The following CAMK4 variants were observed in gnomAD, a reference collection of about 807,000 sequenced individuals.
CAMK4 encodes the protein calcium/calmodulin-dependent protein kinase type IV.
CAMK4 carries 22 observed loss-of-function variants against 44.9 expected under a neutral mutation model. The ratio of observed to expected loss-of-function variants is 0.49; its 90% CI spans 0.35 to 0.70. The LOEUF (loss-of-function observed/expected upper bound fraction) is 0.70. Ranked by LOEUF, CAMK4 falls within the 30% of genes least tolerant of loss-of-function variation. CAMK4 has a pLI of 0.01. For synonymous variants in CAMK4, 218 were observed against 215.4 expected (o/e 1.01, Z -0.11); for missense variants, 498 against 586.8 (o/e 0.85, Z 1.56).
intron 1 of CAMK4, among the ~76,000 whole-genome samples, chr5:111,271,971 A>C (rs1054962518): frequency 6.6e-6 from 1 of 152,104 alleles, no homozygotes; most frequent in African/African-American, 2.4e-5. Flanking sequence ...TAGTCTTTTT[A>C]AATATTCTGA....
intron 1 of CAMK4, among the ~76,000 whole-genome samples, chr5:111,343,058 A>G (rs1296924459): frequency 6.6e-6 from 1 of 151,698 alleles, no homozygotes; most frequent in South Asian, 2.1e-4. Flanking sequence ...CTATTTCTTG[A>G]ACCCTTTATT....
At chr5:111,283,508 C>G (rs908646433) in intron 1 of CAMK4, among the ~76,000 whole-genome samples, 1 of 152,130 alleles carries the variant, frequency 6.6e-6, no homozygotes, top group Non-Finnish European at 1.5e-5. Context: ...CACTATTATC[C>G]CCAATAATGT....
chr5:111,368,439 A>AT (rs1311883372), intron 2 of CAMK4, among the ~76,000 whole-genome samples: 2 of 152,180 alleles, frequency 1.3e-5, no homozygotes, highest in Non-Finnish European at 1.5e-5. Flanking sequence ...AATGAGAAGA[A>AT]TATTGGAAAG....
intron 1 of CAMK4, among the ~76,000 whole-genome samples, chr5:111,233,251 T>C (rs1447178610): frequency 6.6e-6 from 1 of 152,240 alleles, no homozygotes; most frequent in Non-Finnish European, 1.5e-5. Flanking sequence ...GAACTACCTT[T>C]AGTCTCTCTT....
intron 1 of CAMK4, among the ~76,000 whole-genome samples, chr5:111,280,345 T>C (rs530394431): frequency 2.6e-5 from 4 of 152,260 alleles, no homozygotes; most frequent in Non-Finnish European, 5.9e-5. Context: ...CATTGTGCTG[T>C]AGAAGGCAGA....
chr5:111,408,120 G>GAC (rs1304352098), intron 5 of CAMK4, among the ~76,000 whole-genome samples: 1 of 116,086 alleles, frequency 8.6e-6, no homozygotes, highest in Non-Finnish European at 1.6e-5. Flanking sequence ...GAAAGAAAGA[G>GAC]AGAGAGAGAG....
chr5:111,316,121 G>A lies in CAMK4; in HGVS notation c.162-27903G>A, dbSNP rs529343848. On this transcript the variant is annotated intron_variant, in intron 1 of 10. Coordinates refer to ENST00000282356, the MANE Select transcript of CAMK4 (RefSeq NM_001744.6). ...AAGAGGAAATTGACATTCCCTCAAG[G>A]GCTTTCCAATAATTTCTAATCACAT... Among the ~76,000 whole-genome samples, 6 of 152,154 alleles carry A rather than the reference G, an allele frequency of 3.9e-5. No homozygotes were observed. The South Asian group carries it at 1.0e-3, about 26-fold the overall frequency.
intron 1 of CAMK4, among the ~76,000 whole-genome samples, chr5:111,280,375 AT>A (rs1256996387): frequency 1.3e-5 from 2 of 152,288 alleles, no homozygotes; most frequent in African/African-American, 2.4e-5. Flanking sequence ...AATGGCTCAA[AT>A]TTTTTTACAT....
chr5:111,360,454 A>G (rs995465044), intron 2 of CAMK4, among the ~76,000 whole-genome samples: 9 of 152,100 alleles, frequency 5.9e-5, no homozygotes, highest in African/African-American at 1.4e-4. Context: ...GGAGAGGCCA[A>G]TAAATACTGA....
rs75203303 is a variant in CAMK4, at chr5:111,447,456, G to T, written c.550+680G>T. 1.7e-4 allele frequency among the ~76,000 whole-genome samples: 26 copies of T among 152,212 alleles called. No homozygotes were observed. In the East Asian group the frequency reaches 3.9e-3, roughly 23 times the overall value. On this transcript the variant is annotated intron_variant, in intron 6 of 10. Coordinates refer to ENST00000282356, the MANE Select transcript of CAMK4 (RefSeq NM_001744.6). ...TTACATATTATATCATATTCTATGA[G>T]ACTTTTTTAAAATTTTTACCAATAA...
At chr5:111,441,228 G>A (rs1164027921) in intron 5 of CAMK4, among the ~76,000 whole-genome samples, 1 of 152,120 alleles carries the variant, frequency 6.6e-6, no homozygotes, top group East Asian at 1.9e-4. Context: ...ACTTAGCAGA[G>A]ATATGCCTTT....
chr5:111,368,483 G>T (rs1580660838), intron 2 of CAMK4, among the ~76,000 whole-genome samples: 1 of 152,164 alleles, frequency 6.6e-6, no homozygotes, highest in East Asian at 1.9e-4. Flanking sequence ...ACCCACACTT[G>T]TGTGATCTCC....
At chr5:111,410,480 A>C (rs921080330) in intron 5 of CAMK4, among the ~76,000 whole-genome samples, 1 of 152,212 alleles carries the variant, frequency 6.6e-6, no homozygotes. Flanking sequence ...GCCAAGCCAT[A>C]TCAGATAGTA....
intron 2 of CAMK4, chr5:111,358,232 C>T (rs963795668): frequency 6.6e-6 from 1 of 152,086 alleles, no homozygotes; most frequent in Admixed American, 6.6e-5. Context: ...TAGTGAGTCT[C>T]ACATACAATA....
At chr5:111,280,463 G>A (rs988470510) in intron 1 of CAMK4, among the ~76,000 whole-genome samples, 5 of 152,140 alleles carry the variant, frequency 3.3e-5, no homozygotes, top group African/African-American at 4.8e-5. Context: ...CCTACCAGAG[G>A]TCTTATCTTT....
At chr5:111,425,654 C>G (rs1753200439) in intron 5 of CAMK4, among the ~76,000 whole-genome samples, 2 of 152,042 alleles carry the variant, frequency 1.3e-5, no homozygotes, top group Non-Finnish European at 2.9e-5. Context: ...CAAGTATAAC[C>G]AATATTGTAT....
Position 111,227,419 on chromosome 5 carries a change from G to A in CAMK4, c.161+2775G>A, listed in dbSNP as rs368417973. Among the ~76,000 whole-genome samples the A allele has an allele frequency of 1.1e-4, 17 of 152,328 alleles. 1 individual carries two copies. The highest frequency in any genetic ancestry group is 3.9e-4 in the East Asian group (2 of 5,190). ...ATATACTAAGAGAACAGTGCTTCTG[G>A]TGTTACGTGTTGCTGTTGTGGTTAG... On this transcript the variant is annotated intron_variant, in intron 1 of 10. Transcript: ENST00000282356.
At chr5:111,416,551 A>T (rs1300239886) in intron 5 of CAMK4, 3 of 152,214 alleles carry the variant, frequency 2.0e-5, no homozygotes, top group Admixed American at 6.5e-5. Context: ...GATGTTGGAT[A>T]TACCATCAGA....
chr5:111,280,056 A>G (rs1750943275), intron 1 of CAMK4, among the ~76,000 whole-genome samples: 1 of 152,212 alleles, frequency 6.6e-6, no homozygotes, highest in Non-Finnish European at 1.5e-5. Context: ...TGTGTGTATT[A>G]TAGTTTGTAA....
Sources: allele counts gnomAD v4.1 joint callset (sites outside exome capture counted in the v4.1 genomes callset), GRCh38; gene constraint gnomAD v4.1.1; transcripts MANE v1.5; gene names NCBI Gene and HGNC (gene_info 2026-07-23, HGNC 2026-07-21).